The following CLIC2 variants were observed in gnomAD, a reference collection of about 807,000 sequenced individuals.
The protein encoded by CLIC2 is CLIC family member 2, also known as chloride intracellular channel protein 2.
Under a neutral mutation model 14.8 loss-of-function variants are expected in CLIC2, and 9 were observed. The ratio of observed to expected loss-of-function variants is 0.61; its 90% CI spans 0.37 to 1.06. The LOEUF is 1.06. CLIC2 is among the 50% of genes least tolerant of loss of function. The pLI, the probability that CLIC2 is intolerant of heterozygous loss-of-function variation, is 0.01. For missense variants in CLIC2, 148 were observed against 181.4 expected, an observed-to-expected ratio of 0.82 and a Z score of 1.06; for synonymous variants, 61 against 66.3, an observed-to-expected ratio of 0.92 and a Z score of 0.39.
At chrX:155,309,763 G>T in intron 1 of CLIC2, 1 of 119,125 alleles carries the variant, frequency 8.4e-6, no homozygotes, top group South Asian at 2.8e-4. Context: ...ATCTCCCACT[G>T]GGTCCCTCCC....
intron 3 of CLIC2, among the ~76,000 whole-genome samples, chrX:155,285,307 G>A (rs2074937781): frequency 8.9e-6 from 1 of 111,771 alleles, no homozygotes; most frequent in Admixed American, 9.5e-5. Context: ...GTGTGTTATC[G>A]AATCTTCACT....
At chrX:155,329,738 C>A (rs1351342766) in intron 1 of CLIC2, among the ~76,000 whole-genome samples, 1 of 110,193 alleles carries the variant, frequency 9.1e-6, no homozygotes, top group Non-Finnish European at 1.9e-5. Flanking sequence ...TCTGCACTCC[C>A]ACATTCATTG....
intron 1 of CLIC2, among the ~76,000 whole-genome samples, chrX:155,306,718 C>T (rs947295934): frequency 9.1e-5 from 10 of 109,965 alleles, no homozygotes; most frequent in East Asian, 2.8e-4. Context: ...CTTCACATGG[C>T]GAAAGCAGGA....
rs1158824862 is a variant in CLIC2, at chrX:155,282,213, T to C, written c.294-2145A>G. On this transcript the variant is annotated intron_variant, in intron 3 of 5. Transcript: ENST00000369449. ...GCTCCCACTTTTCTTTCAGGTCTTT[T>C]TCATGGGTATCTCTTTCTAAGTGAA... Among the ~76,000 whole-genome samples, 3 of 111,912 alleles carry C rather than the reference T, an allele frequency of 2.7e-5. No homozygotes were observed. In the Admixed American group the frequency reaches 2.8e-4, roughly 11 times the overall value.
chrX:155,277,795 G>T lies in CLIC2; in HGVS notation c.*108C>A. 1 of 660,950 alleles carries T rather than the reference G, an allele frequency of 1.5e-6. No individual in the cohort carries two copies. The highest frequency in any genetic ancestry group is 2.4e-6 in the Non-Finnish European group (1 of 414,243). 54.5% of individuals were successfully genotyped at this position (660,950 alleles called of 1,213,427 possible). A position where few individuals can be genotyped will look rare whatever the true frequency, so the allele number is the denominator to read the frequency against. On this transcript the variant is annotated 3_prime_UTR_variant, in exon 6 of 6. Coordinates refer to ENST00000369449, the MANE Select transcript of CLIC2 (RefSeq NM_001289.6). ...CAGAGTTCCTTTTCATAAGAGAGTT[G>T]GATAGAAGAAACAGTATTTTTCATA... is the stretch of plus-strand genomic sequence containing the variant.
chrX:155,305,364 T>G (rs914746493), intron 1 of CLIC2, among the ~76,000 whole-genome samples: 7 of 112,478 alleles, frequency 6.2e-5, no homozygotes. Context: ...CCCCTTTCTT[T>G]GACTCAGAAA....
intron 1 of CLIC2, among the ~76,000 whole-genome samples, chrX:155,305,763 T>G (rs2075053250): frequency 8.9e-6 from 1 of 112,710 alleles, no homozygotes; most frequent in African/African-American, 3.2e-5. Flanking sequence ...ATTAACTCTT[T>G]GTGATATATG....
chrX:155,280,294 G>C, intron 3 of CLIC2, among the ~76,000 whole-genome samples: 1 of 112,848 alleles, frequency 8.9e-6, no homozygotes, highest in East Asian at 2.8e-4. Context: ...TCATTTATCT[G>C]TAGAAACAAT....
intron 3 of CLIC2, among the ~76,000 whole-genome samples, chrX:155,289,678 T>C (rs1175511735): frequency 8.9e-6 from 1 of 112,153 alleles, no homozygotes; most frequent in Non-Finnish European, 1.9e-5. Context: ...CACAGAGCCT[T>C]AGATAATTTA....
chrX:155,323,769 A>G (rs2075126214), intron 1 of CLIC2, among the ~76,000 whole-genome samples: 1 of 112,155 alleles, frequency 8.9e-6, no homozygotes, highest in South Asian at 3.7e-4. Context: ...ACATGATTGC[A>G]TATTTAGAAA....
intron 1 of CLIC2, among the ~76,000 whole-genome samples, chrX:155,305,437 G>A (rs1484877133): frequency 9.8e-5 from 11 of 112,277 alleles, no homozygotes; most frequent in Admixed American, 3.8e-4. Context: ...TTCGGCTCGC[G>A]CACGGTGCAC....
rs952735903 is a variant in CLIC2 at position 155,310,631 on chromosome X, T to C, written c.58-11486A>G. On this transcript the variant is annotated intron_variant, in intron 1 of 5. Transcript: ENST00000369449. ...TACCATTCTGGGGTCTGGAGGATGG[T>C]GGCCCTCTTCTCACAGCTACACTAG... 6 of 120,999 alleles carry C rather than the reference T, an allele frequency of 5.0e-5. No homozygotes were observed. The South Asian group carries it at 1.1e-3, about 22-fold the overall frequency. The allele number at this position is 120,999 out of a possible 1,213,427, so 10.0% of individuals were successfully genotyped here. A position where few individuals can be genotyped will look rare whatever the true frequency, so the allele number is the denominator to read the frequency against.
chrX:155,307,452 C>A (rs1248672460), intron 1 of CLIC2, among the ~76,000 whole-genome samples: 1 of 111,390 alleles, frequency 9.0e-6, no homozygotes, highest in East Asian at 2.8e-4. Context: ...GAGAAAAATT[C>A]AATAAGCTGG....
At position 155,298,902 on chromosome X, in the gene CLIC2, T is replaced by G; in HGVS notation, c.176A>C (p.Glu59Ala). 8.3e-7 allele frequency: 1 copy of G among 1,209,259 alleles called. No individual in the cohort carries two copies. The highest frequency in any genetic ancestry group is 1.1e-6 in the Non-Finnish European group (1 of 893,353). The change falls in exon 3 of 6, where the codon GAA becomes GCA. Residue 59 changes from glutamate (E) to alanine (A), a missense_variant. Coordinates refer to ENST00000369449, the MANE Select transcript of CLIC2 (RefSeq NM_001289.6). ...ACCTGGGGCTAAGTCCTTTAGTTCT[T>G]CAGGCTTTCTATGATTATTAAAAAT... ...VTTVDMTRKPEELKDLAPGTN... is the reference protein window; with the variant it reads ...VTTVDMTRKPAELKDLAPGTN...
chrX:155,324,520 T>C (rs1557322088), intron 1 of CLIC2, among the ~76,000 whole-genome samples: 1 of 111,848 alleles, frequency 8.9e-6, no homozygotes, highest in East Asian at 2.8e-4. Flanking sequence ...GGGGAAAGAT[T>C]CCCTATTTAA....
intron 1 of CLIC2, among the ~76,000 whole-genome samples, chrX:155,320,440 A>C (rs2075110276): frequency 8.9e-6 from 1 of 112,093 alleles, no homozygotes; most frequent in East Asian, 2.8e-4. Flanking sequence ...ACCTCCAGCC[A>C]ACTCCAGCAG....
intron 1 of CLIC2, among the ~76,000 whole-genome samples, chrX:155,320,579 A>G (rs2075110722): frequency 8.9e-6 from 1 of 112,197 alleles, no homozygotes; most frequent in African/African-American, 3.2e-5. Flanking sequence ...AAAGACCAAA[A>G]GTAGACAAAT....
Position 155,334,356 on chromosome X carries a change from A to G in CLIC2, c.57+15T>C. 1 of 1,181,839 alleles carries G rather than the reference A, an allele frequency of 8.5e-7. No individual in the cohort carries two copies. The highest frequency in any genetic ancestry group is 1.8e-5 in the South Asian group (1 of 56,309). On this transcript the variant is annotated intron_variant, in intron 1 of 5. Coordinates refer to ENST00000369449, the MANE Select transcript of CLIC2 (RefSeq NM_001289.6). ...AATATATTCTACATGCAGTTATTAT[A>G]ACTGGAAAACTTACCTTTACAAAAA... is the stretch of plus-strand genomic sequence containing the variant.
chrX:155,325,677 C>G (rs1467516813), intron 1 of CLIC2, among the ~76,000 whole-genome samples: 2 of 101,994 alleles, frequency 2.0e-5, no homozygotes, highest in Non-Finnish European at 4.0e-5. Flanking sequence ...AGCAAACCAC[C>G]ATGGCACATG....
Sources: allele counts gnomAD v4.1 joint callset (sites outside exome capture counted in the v4.1 genomes callset), GRCh38; gene constraint gnomAD v4.1.1; transcripts MANE v1.5; gene names NCBI Gene and HGNC (gene_info 2026-07-23, HGNC 2026-07-21).